TRIOBP: variants seen among roughly 807,000 people sequenced by gnomAD.
The protein encoded by TRIOBP is TRIO and F-actin-binding protein.
In TRIOBP, 169 loss-of-function variants were observed where a neutral mutation model predicts 238.8. That is an observed-to-expected ratio of 0.71 (90% confidence interval 0.62 to 0.80). The LOEUF (loss-of-function observed/expected upper bound fraction) is 0.80, where lower values mean the gene tolerates loss of function less well. Among genes scored for constraint, TRIOBP ranks in the 30% least tolerant of loss-of-function variants. TRIOBP has a pLI of 0.00. For missense variants in TRIOBP, 2,838 were observed against 3,122.6 expected (o/e 0.91, Z 2.17); for synonymous variants, 1,150 against 1,274.4 (o/e 0.90, Z 2.08).
At chr22:37,707,275 T>C (rs1922995116) in intron 3 of TRIOBP, among the ~76,000 whole-genome samples, 1 of 151,600 alleles carries the variant, frequency 6.6e-6, no homozygotes, top group Admixed American at 6.6e-5. Flanking sequence ...AAAAACTCCA[T>C]CTCAAAAAAA....
Position 37,726,135 on chromosome 22 carries a change from A to C in TRIOBP, c.3579A>C (p.Gly1193=), listed in dbSNP as rs761879051. The C allele has an allele frequency of 1.0e-5, 16 of 1,551,778 alleles. No individual in the cohort carries two copies. Among genetic ancestry groups the C allele is most frequent in the Non-Finnish European group, 1.0e-5 (12 of 1,143,806 alleles). ...EPSLFFQDPP[G]TSMESLAPST... is the part of the protein sequence containing the mutation. Reference sequence around the variant, plus strand: ...CCCTCTTCTTCCAGGATCCCCCTGGAACTAGTATGGAGAGCCTGGCCCCCT... The same window carrying C: ...CCCTCTTCTTCCAGGATCCCCCTGGCACTAGTATGGAGAGCCTGGCCCCCT... The change falls in exon 7 of 24, where the codon GGA becomes GGC. Residue 1193 remains glycine (G), a synonymous_variant. Coordinates refer to ENST00000644935, the MANE Select transcript of TRIOBP (RefSeq NM_001039141.3).
chr22:37,701,115 TTAG>T (rs1922623598), intron 2 of TRIOBP, among the ~76,000 whole-genome samples, 188 bp from the exon 3 acceptor site: 1 of 152,136 alleles, frequency 6.6e-6, no homozygotes, highest in African/African-American at 2.4e-5. Flanking sequence ...TGCCTGGTGC[TTAG>T]TAGGTGCTTA....
At chr22:37,763,516 C>A (rs150997510) in intron 17 of TRIOBP, among the ~76,000 whole-genome samples, 2 of 152,086 alleles carry the variant, frequency 1.3e-5, no homozygotes, top group Non-Finnish European at 2.9e-5. Context: ...GTGGCCTTTG[C>A]GTGGGGGAGA....
At chr22:37,741,199 G>C (rs1924920222) in intron 11 of TRIOBP, among the ~76,000 whole-genome samples, 167 bp downstream of exon 11, 1 of 152,206 alleles carries the variant, frequency 6.6e-6, no homozygotes, top group Non-Finnish European at 1.5e-5. Flanking sequence ...GCTCATCCTG[G>C]TCTCAGCAAG....
chr22:37,739,854 G>A (rs750628528), intron 10 of TRIOBP, among the ~76,000 whole-genome samples: 10 of 152,142 alleles, frequency 6.6e-5, no homozygotes, highest in Non-Finnish European at 1.0e-4. Flanking sequence ...CAGCAATGCC[G>A]GGGTGCCCCT....
At position 37,726,467 on chromosome 22, in the gene TRIOBP, G is replaced by A. The variant is rs757717377; in HGVS notation, c.3911G>A (p.Arg1304His). ...SSGGRTHSPG[R>H]AEVERLFGQE... ...GGGGGCCGCACCCACAGCCCTGGCC[G>A]TGCAGAGGTGGAGCGCCTCTTCGGG... Residue 1304 changes from arginine to histidine, a missense_variant, in exon 7 of 24, where the codon CGT becomes CAT. Transcript: ENST00000644935. The A allele has an allele frequency of 4.7e-5, 73 of 1,550,108 alleles. No individual in the cohort carries two copies. Among genetic ancestry groups the A allele is most frequent in the Middle Eastern group, 1.9e-4 (1 of 5,158 alleles).
chr22:37,699,560 A>G (rs1171335128), intron 2 of TRIOBP, among the ~76,000 whole-genome samples: 1 of 150,212 alleles, frequency 6.7e-6, no homozygotes, highest in East Asian at 1.9e-4. Flanking sequence ...TTTTTTTTTA[A>G]GACAGAGTCT....
intron 10 of TRIOBP, among the ~76,000 whole-genome samples, chr22:37,740,454 G>A (rs1924877653): frequency 1.3e-5 from 2 of 152,168 alleles, no homozygotes; most frequent in African/African-American, 2.4e-5. Context: ...GAGGGCACTT[G>A]TGTGACTCCT....
At chr22:37,710,867 C>T (rs1923201840) in intron 4 of TRIOBP, among the ~76,000 whole-genome samples, 1 of 152,244 alleles carries the variant, frequency 6.6e-6, no homozygotes, top group Admixed American at 6.5e-5. Context: ...CTCAGCTTTG[C>T]CCCAGGGTGT....
intron 11 of TRIOBP, among the ~76,000 whole-genome samples, chr22:37,749,495 C>T (rs1482112897): frequency 6.6e-6 from 1 of 152,162 alleles, no homozygotes; most frequent in Non-Finnish European, 1.5e-5. Context: ...CTGTGAGAAC[C>T]TGCCAGTACT....
In TRIOBP at chr22:37,734,445, A is replaced by G. The variant is rs890718506; in HGVS notation, c.4109A>G (p.Gln1370Arg). ...CAGGCAGAACTGACCCGGCGGAGCC[A>G]AGCAGAGCCCCCTCATCCTTGGAGT... ...AKQAELTRRS[Q>R]AEPPHPWSPE... Residue 1370 changes from glutamine (Q) to arginine (R), a missense_variant, in exon 9 of 24, where the codon CAA becomes CGA. Gln to Arg is a conservative substitution (Grantham distance 43, BLOSUM62 1). Transcript: ENST00000644935. 3.1e-6 allele frequency: 5 copies of G among 1,613,122 alleles called. No homozygotes were observed. Among genetic ancestry groups the G allele is most frequent in the Admixed American group, 1.7e-5 (1 of 59,972 alleles).
intron 11 of TRIOBP, among the ~76,000 whole-genome samples, chr22:37,743,514 C>T (rs1327040400): frequency 1.3e-5 from 2 of 152,268 alleles, no homozygotes; most frequent in East Asian, 1.9e-4. Context: ...GCCGTGCTTA[C>T]GGAGGATGTG....
intron 17 of TRIOBP, among the ~76,000 whole-genome samples, chr22:37,761,800 G>T (rs1926257488): frequency 6.6e-6 from 1 of 152,016 alleles, no homozygotes; most frequent in South Asian, 2.1e-4. Flanking sequence ...GGACGCAGAG[G>T]GTGAGGCTGG....
chr22:37,740,722 T>C (rs1320350025), intron 10 of TRIOBP, among the ~76,000 whole-genome samples, 173 bp from the exon 11 acceptor site: 4 of 152,056 alleles, frequency 2.6e-5, no homozygotes, highest in African/African-American at 7.2e-5. Flanking sequence ...TCCAACACGA[T>C]GTAGTGTGAA....
intron 3 of TRIOBP, among the ~76,000 whole-genome samples, chr22:37,704,381 T>TCAGAACAGAACAGAACAGAACAGAA (rs71195040): frequency 7.3e-6 from 1 of 137,730 alleles, no homozygotes; most frequent in African/African-American, 3.0e-5. Flanking sequence ...GGACCCTGAC[T>TCAGAACAGAACAGAACAGAACAGAA]CAGAACAGAA....
intron 15 of TRIOBP, among the ~76,000 whole-genome samples, chr22:37,756,790 G>A (rs978895003): frequency 4.6e-5 from 7 of 152,152 alleles, no homozygotes; most frequent in African/African-American, 1.4e-4. Context: ...ACCCAGCTAT[G>A]ACTGTGGATA....
At position 37,759,258 on chromosome 22, in the gene TRIOBP, C is replaced by T; in HGVS notation, c.6318C>T (p.Ile2106=). The part of the protein sequence containing the change: ...QEDGHIPPGY[I]SQEACERSLA... The stretch of plus-strand genomic sequence containing the variant: ...ATGGCCACATCCCCCCGGGCTACAT[C>T]TCACAGGTAAGGCCGGGGGGCTGTT... The change falls in exon 17 of 24, where the codon ATC becomes ATT. Residue 2106 remains isoleucine, a synonymous_variant. Transcript: ENST00000644935. 1 of 1,612,874 alleles carries T rather than the reference C, an allele frequency of 6.2e-7. No homozygotes were observed. The highest frequency in any genetic ancestry group is 8.5e-7 in the Non-Finnish European group (1 of 1,179,678).
At chr22:37,721,972 A>G (rs149091493) in intron 6 of TRIOBP, among the ~76,000 whole-genome samples, 31 of 152,322 alleles carry the variant, frequency 2.0e-4, no homozygotes, top group African/African-American at 7.0e-4. Context: ...ACTACTGAGG[A>G]CAGTTACATT....
chr22:37,759,556 T>G (rs752896866), intron 17 of TRIOBP: 3 of 1,598,852 alleles, frequency 1.9e-6, no homozygotes, highest in Non-Finnish European at 2.5e-6. Flanking sequence ...GCAGAGCCTG[T>G]GTGTGAGTCC....
Sources: gnomAD v4.1 joint callset for allele counts (sites outside exome capture counted in the v4.1 genomes callset) on GRCh38, gnomAD v4.1.1 for gene constraint, MANE v1.5 for transcripts, NCBI Gene and HGNC (gene_info 2026-07-23, HGNC 2026-07-21) for gene names.